The following CCL17 variants were observed in gnomAD, a reference collection of about 807,000 sequenced individuals.
CCL17 encodes the protein C-C motif chemokine 17.
In CCL17, 8 loss-of-function variants were observed where a neutral mutation model predicts 7.4. The ratio of observed to expected loss-of-function variants is 1.09; its 90% confidence interval spans 0.64 to 1.96. CCL17 has a LOEUF of 1.96. CCL17 is among the 30% of genes most tolerant of loss of function. CCL17 has a pLI of 0.00. For missense variants in CCL17, 102 were observed against 113.0 expected (o/e 0.90, Z 0.44); for synonymous variants, 40 against 46.1 (o/e 0.87, Z 0.54).
At chr16:57,407,111 A>C (rs563731689) in intron 1 of CCL17, among the ~76,000 whole-genome samples, 2 of 152,022 alleles carry the variant, frequency 1.3e-5, no homozygotes, top group Non-Finnish European at 2.9e-5. Flanking sequence ...ATGGGAGGGC[A>C]GCATGCGAGG....
chr16:57,408,777 T>C (rs112186794), intron 1 of CCL17, among the ~76,000 whole-genome samples: 10,390 of 151,940 alleles, frequency 0.068, 569 homozygotes, highest in African/African-American at 0.15. Context: ...GGTTTCACCA[T>C]GTTGGCCAGG....
At chr16:57,410,032 G>A (rs113916091) in intron 1 of CCL17, among the ~76,000 whole-genome samples, 21 of 152,310 alleles carry the variant, frequency 1.4e-4, no homozygotes, top group African/African-American at 4.6e-4. Context: ...TGGTGTGACC[G>A]GGATGACACT....
intron 2 of CCL17, 56 bp downstream of exon 2, chr16:57,414,058 G>C: frequency 1.4e-6 from 2 of 1,429,130 alleles, no homozygotes; most frequent in Non-Finnish European, 1.9e-6. Context: ...GGGGTTGGGG[G>C]CATGAAGACC....
intron 1 of CCL17, among the ~76,000 whole-genome samples, chr16:57,412,151 C>G (rs1902794551): frequency 6.6e-6 from 1 of 152,226 alleles, no homozygotes. Flanking sequence ...CTCTGTGGGA[C>G]AGACCAAACT....
At chr16:57,402,225 C>A (rs943203241), upstream of CCL17, among the ~76,000 whole-genome samples, 12 of 152,174 alleles carry the variant, frequency 7.9e-5, no homozygotes, top group African/African-American at 2.4e-4. Flanking sequence ...TGGGGAGAGC[C>A]ATGACCCAGG....
At chr16:57,400,691 G>A (rs967069230), upstream of CCL17, among the ~76,000 whole-genome samples, 49 of 152,088 alleles carry the variant, frequency 3.2e-4, no homozygotes, top group African/African-American at 1.1e-3. Context: ...TACCCGGGCC[G>A]GGCACAATGG....
At chr16:57,408,460 G>A (rs987277026) in intron 1 of CCL17, among the ~76,000 whole-genome samples, 2 of 152,100 alleles carry the variant, frequency 1.3e-5, no homozygotes, top group South Asian at 2.1e-4. Flanking sequence ...CGCCCAGGCT[G>A]GAGTGCAGTG....
chr16:57,414,410 CTTTTT>C (rs71152269), intron 2 of CCL17, among the ~76,000 whole-genome samples: 50 of 75,990 alleles, frequency 6.6e-4, no homozygotes, highest in Non-Finnish European at 9.9e-4. Flanking sequence ...AAAAAGGATT[CTTTTT>C]TTTTTTTTTT....
At chr16:57,407,808 C>T (rs997248835) in intron 1 of CCL17, among the ~76,000 whole-genome samples, 13 of 151,932 alleles carry the variant, frequency 8.6e-5, no homozygotes, top group African/African-American at 3.1e-4. Context: ...ATCCATTCAT[C>T]CATCCGTCTG....
At chr16:57,408,844 G>A (rs533680653) in intron 1 of CCL17, among the ~76,000 whole-genome samples, 1 of 152,186 alleles carries the variant, frequency 6.6e-6, no homozygotes, top group South Asian at 2.1e-4. Context: ...AAAGTGCTGG[G>A]ATTACAGATG....
chr16:57,403,734 G>A (rs1357951327), upstream of CCL17, among the ~76,000 whole-genome samples: 1 of 134,678 alleles, frequency 7.4e-6, no homozygotes, highest in Non-Finnish European at 1.5e-5. Context: ...TTGGCTCACT[G>A]CAACCTCTGC....
At position 57,412,854 on chromosome 16, in the gene CCL17, G is replaced by A. The variant is rs1281168081; in HGVS notation, c.-59-1020G>A. ...CCTCGGGTGGCCAGGGGACTGACCC[G>A]CATGCAGTGATGCTGTGGCCTGGGG... is the stretch of plus-strand genomic sequence containing the variant. On this transcript the variant is annotated intron_variant, in intron 1 of 3. Transcript: ENST00000219244. 3.9e-5 allele frequency among the ~76,000 whole-genome samples: 6 copies of A among 152,186 alleles called. No homozygotes were observed. In the East Asian group the frequency reaches 5.8e-4, roughly 15 times the overall value.
chr16:57,415,311 T>A lies in CCL17; in HGVS notation c.188+113T>A. 1 of 744,716 alleles carries A rather than the reference T, an allele frequency of 1.3e-6. No homozygotes were observed. Among genetic ancestry groups the A allele is most frequent in the South Asian group, 1.5e-5 (1 of 66,756 alleles). 46.1% of individuals were successfully genotyped at this position (744,716 alleles called of 1,614,324 possible). On this transcript the variant is annotated intron_variant, in intron 3 of 3. Coordinates refer to ENST00000219244, the MANE Select transcript of CCL17 (RefSeq NM_002987.3). The surrounding 1 kb of genome is among the most constrained non-coding windows in gnomAD (Gnocchi z 4.5). ...CAGGGAAGAGACAGCGGGGCCTTCC[T>A]CCCCAACCCCTGCAGGCTCCCCACA...
At chr16:57,403,839 T>C (rs1341976782), upstream of CCL17, among the ~76,000 whole-genome samples, 3 of 148,830 alleles carry the variant, frequency 2.0e-5, no homozygotes, top group Non-Finnish European at 4.4e-5. Context: ...GTATTTTTAG[T>C]AGAGATGGGA....
chr16:57,413,435 G>C (rs1326743906), intron 1 of CCL17, among the ~76,000 whole-genome samples: 2 of 151,906 alleles, frequency 1.3e-5, no homozygotes, highest in Non-Finnish European at 2.9e-5. Context: ...CAGCCAGGGT[G>C]GCCCTGGCAG....
At chr16:57,412,657 C>T (rs1419656759) in intron 1 of CCL17, among the ~76,000 whole-genome samples, 1 of 152,172 alleles carries the variant, frequency 6.6e-6, no homozygotes, top group African/African-American at 2.4e-5. Flanking sequence ...CATGCAAGGA[C>T]AGGATGAAGC....
chr16:57,406,069 A>T (rs1902692128), intron 1 of CCL17, among the ~76,000 whole-genome samples: 1 of 151,134 alleles, frequency 6.6e-6, no homozygotes, highest in Non-Finnish European at 1.5e-5. Context: ...CTTTATCCAG[A>T]GGTAAAAGAT....
At chr16:57,410,510 GC>G (rs1902766795) in intron 1 of CCL17, among the ~76,000 whole-genome samples, 1 of 152,112 alleles carries the variant, frequency 6.6e-6, no homozygotes, top group Non-Finnish European at 1.5e-5. Context: ...CTCCCCTGCT[GC>G]CCCTCCACAA....
chr16:57,399,574 C>T, the CCL17 span, among the ~76,000 whole-genome samples: 16 of 152,178 alleles, frequency 1.1e-4, no homozygotes, highest in African/African-American at 3.6e-4. Context: ...CTTCAGCCTC[C>T]AAAGTAGCTG....
Sources: allele counts gnomAD v4.1 joint callset (sites outside exome capture counted in the v4.1 genomes callset), GRCh38; gene constraint gnomAD v4.1.1; non-coding constraint Gnocchi (gnomAD v3.1); transcripts MANE v1.5; gene names NCBI Gene and HGNC (gene_info 2026-07-23, HGNC 2026-07-21).